MADD: variants seen among roughly 807,000 people sequenced by gnomAD.
MADD encodes MAP kinase activating death domain, also known as MAP kinase-activating death domain protein.
MADD carries 109 observed loss-of-function variants against 176.7 expected under a neutral mutation model. The observed-to-expected ratio is 0.62, with a 90% CI of 0.53 to 0.72. The LOEUF (loss-of-function observed/expected upper bound fraction) is 0.72. Among genes scored for constraint, MADD ranks in the 30% least tolerant of loss-of-function variants. MADD has a pLI of 0.00. For synonymous variants in MADD, 771 were observed against 771.3 expected, an observed-to-expected ratio of 1.00 and a Z score of 0.01; for missense variants, 1,914 against 2,045.5, an observed-to-expected ratio of 0.94 and a Z score of 1.24.
chr11:47,297,881 C>T (rs148220132), intron 22 of MADD, among the ~76,000 whole-genome samples: 5,004 of 149,736 alleles, frequency 0.033, 115 homozygotes, highest in South Asian at 0.12. Context: ...CTCCACCTCC[C>T]AGGTTCACAC....
rs746709012 is a variant in MADD, at chr11:47,285,607, GTC to G, written c.2551+24_2551+25del. ...CTTTTGCCAGTAAGTGCCTTCAGCTGTCTCTCTCACTCCTGTGTTCCATTTTC... is the reference window on the plus strand; with the variant it reads ...CTTTTGCCAGTAAGTGCCTTCAGCTGTCTCTCACTCCTGTGTTCCATTTTC... On this transcript the variant is annotated intron_variant, in intron 14 of 32. Coordinates refer to ENST00000402192, the Ensembl canonical transcript of MADD. 8.7e-6 allele frequency: 14 copies of G among 1,613,706 alleles called. No individual in the cohort carries two copies. Among genetic ancestry groups the G allele is most frequent in the African/African-American group, 1.3e-5 (1 of 74,922 alleles).
chr11:47,309,102 A>G (rs772568461), intron 23 of MADD, 60 bp downstream of exon 26: 6 of 1,585,862 alleles, frequency 3.8e-6, no homozygotes, highest in Non-Finnish European at 5.2e-6. Flanking sequence ...ACTGGGCCTT[A>G]CTTGGAGGCA....
At chr11:47,284,916 A>C in intron 12 of MADD, 25 bp from the exon 13 acceptor site, 1 of 1,611,668 alleles carries the variant, frequency 6.2e-7, no homozygotes, top group Middle Eastern at 1.7e-4. Context: ...CCAGGTAACC[A>C]CTTTTAATTT....
chr11:47,321,835 G>T (rs2094525263), intron 27 of MADD, among the ~76,000 whole-genome samples: 1 of 152,120 alleles, frequency 6.6e-6, no homozygotes, highest in African/African-American at 2.4e-5. Context: ...GTGGATGGTG[G>T]TGCCATTTCC....
intron 23 of MADD, 54 bp from the exon 26 acceptor site, chr11:47,308,926 C>CTTCCTTTCT (rs1464972664): frequency 1.7e-5 from 26 of 1,542,902 alleles, no homozygotes; most frequent in Non-Finnish European, 5.4e-6. Context: ...GCCTTTCTGT[C>CTTCCTTTCT]TTCCTTTCTT....
chr11:47,273,765 T>G, intron 1 of MADD, 62 bp from the exon 2 acceptor site: 1 of 622,148 alleles, frequency 1.6e-6, no homozygotes, highest in Non-Finnish European at 2.9e-6. Context: ...CGGGAAGAAG[T>G]TGAGAGGGAT....
chr11:47,328,649 C>G lies in MADD; in HGVS notation c.4613-9C>G. ...CTTTCTGTTTTGTCTCTTGCCCGTC[C>G]GGTTTTAGTTCCTGAAATTAAAGAA... is the stretch of plus-strand genomic sequence containing the variant. On this transcript the variant is annotated splice_polypyrimidine_tract_variant and intron_variant, in intron 31 of 32. Coordinates refer to ENST00000402192, the Ensembl canonical transcript of MADD. 1.2e-6 allele frequency: 2 copies of G among 1,614,196 alleles called. No individual in the cohort carries two copies. The highest frequency in any genetic ancestry group is 8.5e-7 in the Non-Finnish European group (1 of 1,180,036).
intron 23 of MADD, 65 bp from the exon 26 acceptor site, chr11:47,308,915 T>C: frequency 6.8e-7 from 1 of 1,480,496 alleles, no homozygotes; most frequent in Non-Finnish European, 9.4e-7. Flanking sequence ...CAACAGCCTT[T>C]GCCTTTCTGT....
intron 22 of MADD, among the ~76,000 whole-genome samples, chr11:47,296,300 G>A (rs777310238): frequency 3.3e-5 from 5 of 152,264 alleles, no homozygotes; most frequent in East Asian, 1.9e-4. Flanking sequence ...GCCCAGTCAC[G>A]TAAGGGCTTT....
At position 47,282,925 on chromosome 11, in the gene MADD, TG is replaced by T; in HGVS notation, c.1819del (p.Val607TyrfsTer39). The T allele has an allele frequency of 6.2e-7, 1 of 1,613,920 alleles. No homozygotes were observed. The highest frequency in any genetic ancestry group is 1.1e-5 in the South Asian group (1 of 91,074). On this transcript the variant is annotated frameshift_variant, in exon 10 of 33. Transcript: ENST00000402192. LOFTEE classifies it high-confidence loss of function. Reference sequence around the variant, plus strand: ...ATTCCCAGCTGGCTGAGGCCCTGAGTGTACCACCAGAGCGGGACTCTGACTC... The same window carrying T: ...ATTCCCAGCTGGCTGAGGCCCTGAGTTACCACCAGAGCGGGACTCTGACTC...
chr11:47,289,760 A>G lies in MADD; in HGVS notation c.2757-107A>G, dbSNP rs1012205481. ...GTGGTGCACTTGGACATTCAGAGAC[A>G]TGGCTTTGTGTTTTACCCCTGGAGG... On this transcript the variant is annotated intron_variant, in intron 16 of 32. Transcript: ENST00000402192. The G allele has an allele frequency of 2.0e-5, 26 of 1,287,182 alleles. No individual in the cohort carries two copies. In the African/African-American group the frequency reaches 2.9e-4, roughly 15 times the overall value. The allele number at this position is 1,287,182 out of a possible 1,614,324, so 79.7% of individuals were successfully genotyped here. A position where few individuals can be genotyped will look rare whatever the true frequency, so the allele number is the denominator to read the frequency against.
Position 47,276,743 on chromosome 11 carries a change from G to A in MADD, c.975G>A (p.Gln325=), listed in dbSNP as rs147651255. The change falls in exon 5 of 33, where the codon CAG becomes CAA. Residue 325 remains glutamine, a synonymous_variant. Transcript: ENST00000402192. ...ATGGCTCATGACAGGTGGTGCTACA[G>A]TCCCGAGACTACAATGCACTCTCCA... 244 of 1,614,176 alleles carry A rather than the reference G, an allele frequency of 1.5e-4. No individual in the cohort carries two copies. The African/African-American group carries it at 2.8e-3, about 19-fold the overall frequency.
intron 1 of MADD, among the ~76,000 whole-genome samples, 194 bp downstream of exon 1, chr11:47,270,440 A>G (rs1251545880): frequency 8.4e-6 from 1 of 119,078 alleles, no homozygotes. Flanking sequence ...CGGGCAGAGG[A>G]GGGGGCTCAG....
chr11:47,304,596 T>C (rs991628569), intron 22 of MADD, among the ~76,000 whole-genome samples: 2 of 151,752 alleles, frequency 1.3e-5, no homozygotes, highest in African/African-American at 2.4e-5. Flanking sequence ...TTTTTTGTTA[T>C]GATTTTTATC....
At chr11:47,280,324 T>G (rs753513630) in intron 7 of MADD, among the ~76,000 whole-genome samples, 17 of 152,178 alleles carry the variant, frequency 1.1e-4, no homozygotes, top group Non-Finnish European at 2.1e-4. Context: ...TAGTAGTATC[T>G]CTAGATGCTA....
intron 23 of MADD, chr11:47,309,003 G>A: frequency 6.2e-7 from 1 of 1,613,982 alleles, no homozygotes; most frequent in Non-Finnish European, 8.5e-7. Context: ...ATCCATGTGG[G>A]ACCAGTTAGA....
At chr11:47,324,190 G>C (rs1231047787) in intron 28 of MADD, 75 bp from the exon 32 acceptor site, 13 of 1,348,718 alleles carry the variant, frequency 9.6e-6, no homozygotes, top group Non-Finnish European at 1.4e-5. Context: ...CCAGCCTTCA[G>C]TGGCCATTAT....
intron 19 of MADD, among the ~76,000 whole-genome samples, 154 bp downstream of exon 20, chr11:47,290,970 G>T (rs899257649): frequency 6.6e-6 from 1 of 151,986 alleles, no homozygotes; most frequent in African/African-American, 2.4e-5. Flanking sequence ...GTGTTTCTTT[G>T]TACTTCTCTA....
chr11:47,316,184 T>C (rs1184300274), intron 27 of MADD, among the ~76,000 whole-genome samples: 5 of 151,906 alleles, frequency 3.3e-5, no homozygotes, highest in African/African-American at 9.7e-5. Flanking sequence ...CACACACATA[T>C]ACATAAAGAT....
Sources: gnomAD v4.1 joint callset for allele counts (sites outside exome capture counted in the v4.1 genomes callset) on GRCh38, gnomAD v4.1.1 for gene constraint, MANE v1.5 for transcripts, NCBI Gene and HGNC (gene_info 2026-07-23, HGNC 2026-07-21) for gene names.